The following KPNA1 variants were observed in gnomAD, a reference collection of about 807,000 sequenced individuals.
The protein encoded by KPNA1 is karyopherin subunit alpha 1.
In KPNA1, 10 loss-of-function variants were observed where a neutral mutation model predicts 70.5. That is an observed-to-expected ratio of 0.14 (90% CI 0.09 to 0.24). The LOEUF is 0.24. Ranked by LOEUF, KPNA1 falls within the 10% of genes least tolerant of loss-of-function variation. The probability of loss-of-function intolerance (pLI) is 1.00; values close to 1 mark genes in which losing one functional copy is unlikely to be tolerated. For synonymous variants in KPNA1, 192 were observed against 221.9 expected (o/e 0.87, Z 1.20); for missense variants, 397 against 637.9 (o/e 0.62, Z 4.07).
chr3:122,480,373 G>A (rs1474620175), intron 2 of KPNA1, among the ~76,000 whole-genome samples: 1 of 152,080 alleles, frequency 6.6e-6, no homozygotes, highest in African/African-American at 2.4e-5. Flanking sequence ...ATGCATGTGT[G>A]GGGGCAGAGA....
At chr3:122,430,831 G>A (rs971290772) in intron 12 of KPNA1, among the ~76,000 whole-genome samples, 2 of 152,106 alleles carry the variant, frequency 1.3e-5, no homozygotes, top group East Asian at 1.9e-4. Flanking sequence ...TGTGTCACTC[G>A]TGAGCTTAGA....
In KPNA1 at chr3:122,451,514, C is replaced by T; in HGVS notation, c.753+20G>A. The T allele has an allele frequency of 2.1e-6, 3 of 1,432,024 alleles. No homozygotes were observed. Among genetic ancestry groups the T allele is most frequent in the Non-Finnish European group, 2.9e-6 (3 of 1,029,160 alleles). 88.7% of individuals were successfully genotyped at this position (1,432,024 alleles called of 1,614,324 possible). On this transcript the variant is annotated intron_variant, in intron 8 of 13. Transcript: ENST00000344337. ...TTAATTGTATTTTTTCTGCCAATGT[C>T]CCAAAAGCATAGTCCTTACCTTTGC...
intron 2 of KPNA1, among the ~76,000 whole-genome samples, chr3:122,472,909 C>T (rs1324690014): frequency 6.6e-6 from 1 of 151,804 alleles, no homozygotes; most frequent in African/African-American, 2.4e-5. Flanking sequence ...GGCAAAACCC[C>T]GTTTCCACTA....
chr3:122,479,010 G>T (rs1459179652), intron 2 of KPNA1, among the ~76,000 whole-genome samples: 1 of 151,040 alleles, frequency 6.6e-6, no homozygotes, highest in Non-Finnish European at 1.5e-5. Flanking sequence ...CCACAGGCAT[G>T]ATCCATGAAA....
At chr3:122,444,734 G>A (rs1175303322) in intron 9 of KPNA1, among the ~76,000 whole-genome samples, 2 of 152,186 alleles carry the variant, frequency 1.3e-5, no homozygotes, top group African/African-American at 2.4e-5. Flanking sequence ...CTGTTCTGTG[G>A]CCTCTGCTGG....
chr3:122,499,480 G>C (rs935303833), intron 1 of KPNA1, among the ~76,000 whole-genome samples: 2 of 151,922 alleles, frequency 1.3e-5, no homozygotes, highest in Non-Finnish European at 2.9e-5. Context: ...GGGACGGGTA[G>C]AGTGGCTCAT....
intron 1 of KPNA1, among the ~76,000 whole-genome samples, chr3:122,513,213 GC>G (rs1478882444): frequency 1.3e-5 from 2 of 152,196 alleles, no homozygotes; most frequent in Non-Finnish European, 2.9e-5. Context: ...GATTGTCAAT[GC>G]TTTCATCTGT....
intron 1 of KPNA1, among the ~76,000 whole-genome samples, chr3:122,499,891 T>C (rs1476467036): frequency 6.6e-6 from 1 of 152,252 alleles, no homozygotes; most frequent in Non-Finnish European, 1.5e-5. Context: ...TCAAGAATTA[T>C]ATTATTTCTT....
At chr3:122,492,006 C>T (rs1220462763) in intron 2 of KPNA1, among the ~76,000 whole-genome samples, 2 of 150,974 alleles carry the variant, frequency 1.3e-5, no homozygotes, top group Non-Finnish European at 3.0e-5. Context: ...GGACTACAGG[C>T]GCGCGCCACC....
At chr3:122,467,626 A>G (rs1453305375) in intron 2 of KPNA1, among the ~76,000 whole-genome samples, 197 bp from the exon 3 acceptor site, 1 of 148,884 alleles carries the variant, frequency 6.7e-6, no homozygotes, top group African/African-American at 2.4e-5. Context: ...TAACTATTAC[A>G]ACATGCTATA....
intron 9 of KPNA1, among the ~76,000 whole-genome samples, chr3:122,446,848 A>T (rs2076145745): frequency 6.6e-6 from 1 of 152,250 alleles, no homozygotes; most frequent in Non-Finnish European, 1.5e-5. Context: ...ATCACCACCG[A>T]TCCCACAGAA....
rs577791080 is a variant in KPNA1 at position 122,499,404 on chromosome 3, C to CA, written c.-5-2835dup. Reference sequence around the variant, plus strand: ...ATAATTAAAGAGTGTCAGATTCTGTCAAATGCTTTTTCTGTGTCTATTGAT... The same window carrying CA: ...ATAATTAAAGAGTGTCAGATTCTGTCAAAATGCTTTTTCTGTGTCTATTGAT... On this transcript the variant is annotated intron_variant, in intron 1 of 13. Transcript: ENST00000344337. Among the ~76,000 whole-genome samples the CA allele has an allele frequency of 1.7e-3, 251 of 152,052 alleles. 2 individuals are homozygous for CA. Among genetic ancestry groups the CA allele is most frequent in the African/African-American group, 5.7e-3 (238 of 41,486 alleles).
intron 2 of KPNA1, among the ~76,000 whole-genome samples, chr3:122,495,938 A>C (rs1375821720): frequency 6.6e-6 from 1 of 152,202 alleles, no homozygotes; most frequent in Non-Finnish European, 1.5e-5. Flanking sequence ...TAGATAACAA[A>C]GAAATGTAAA....
chr3:122,485,774 GAA>G, intron 2 of KPNA1, among the ~76,000 whole-genome samples: 1 of 152,084 alleles, frequency 6.6e-6, no homozygotes, highest in African/African-American at 2.4e-5. Context: ...CAAAATTGCT[GAA>G]AGAGTGAATA....
intron 2 of KPNA1, among the ~76,000 whole-genome samples, chr3:122,468,601 G>C (rs964493703): frequency 6.6e-6 from 1 of 152,162 alleles, no homozygotes; most frequent in Non-Finnish European, 1.5e-5. Context: ...ATTTTGAAGA[G>C]ACAGAGCAAG....
intron 1 of KPNA1, among the ~76,000 whole-genome samples, chr3:122,503,408 A>G (rs1433893004): frequency 6.6e-6 from 1 of 152,230 alleles, no homozygotes; most frequent in South Asian, 2.1e-4. Flanking sequence ...TAAAAAATCT[A>G]AAAGGAAAGA....
Position 122,451,984 on chromosome 3 carries a change from A to G in KPNA1, c.645T>C (p.Pro215=). The change falls in exon 7 of 14, where the codon CCT becomes CCC. Residue 215 remains proline (P), a synonymous_variant. Coordinates refer to ENST00000344337, the MANE Select transcript of KPNA1 (RefSeq NM_002264.4). ...AGGAAGAAGAAACTTACTGCAAAAG[A>G]GGGGGAAGGATATTGCAGTCTAAGA... The part of the protein sequence containing the change: ...DYVLDCNILP[P]LLQLFSKQNR... The G allele has an allele frequency of 6.3e-7, 1 of 1,579,844 alleles. No individual in the cohort carries two copies. The highest frequency in any genetic ancestry group is 8.6e-7 in the Non-Finnish European group (1 of 1,161,116).
chr3:122,439,376 G>C (rs9827179), intron 10 of KPNA1, among the ~76,000 whole-genome samples: 10,521 of 152,068 alleles, frequency 0.069, 1,201 homozygotes, highest in African/African-American at 0.24. Flanking sequence ...TGTTTTTAGA[G>C]ATGGGGTCTT....
chr3:122,470,283 CG>C (rs2076426345), intron 2 of KPNA1, among the ~76,000 whole-genome samples: 1 of 151,934 alleles, frequency 6.6e-6, no homozygotes, highest in Admixed American at 6.6e-5. Context: ...GAGGAGGCGG[CG>C]GGTGGATCAT....
Sources: gnomAD v4.1 joint callset for allele counts (sites outside exome capture counted in the v4.1 genomes callset) on GRCh38, gnomAD v4.1.1 for gene constraint, MANE v1.5 for transcripts, NCBI Gene and HGNC (gene_info 2026-07-23, HGNC 2026-07-21) for gene names.